USH1C: variants seen among roughly 807,000 people sequenced by gnomAD.
USH1C encodes the protein harmonin.
Under a neutral mutation model 119.3 loss-of-function variants are expected in USH1C, and 90 were observed. That is an observed-to-expected ratio of 0.75 (90% CI 0.64 to 0.90). The LOEUF is 0.90. Among genes scored for constraint, USH1C ranks in the 40% least tolerant of loss-of-function variants. The pLI, the probability that USH1C is intolerant of heterozygous loss-of-function variation, is 0.00. For synonymous variants in USH1C, 465 were observed against 443.3 expected, an observed-to-expected ratio of 1.05 and a Z score of -0.62; for missense variants, 1,165 against 1,167.7, an observed-to-expected ratio of 1.00 and a Z score of 0.03.
chr11:17,497,608 C>T (rs751994282), intron 24 of USH1C, among the ~76,000 whole-genome samples: 2 of 152,220 alleles, frequency 1.3e-5, no homozygotes, highest in African/African-American at 4.8e-5. Flanking sequence ...ACCTCAGGCT[C>T]GGCTGCCTGC....
chr11:17,523,073 G>A, intron 11 of USH1C, 138 bp downstream of exon 11: 5 of 1,569,446 alleles, frequency 3.2e-6, no homozygotes, highest in Non-Finnish European at 4.4e-6. Context: ...TTCTTGCTGG[G>A]CAGAAGTCCT....
chr11:17,526,408 G>A lies in USH1C; in HGVS notation c.613C>T (p.Arg205Trp). Residue 205 changes from arginine (R) to tryptophan (W), a missense_variant, in exon 8 of 27, where the codon CGG (arginine) becomes TGG (tryptophan). By Grantham distance (101) the Arg-to-Trp change is moderately radical. Transcript: ENST00000005226. ...AAGACCTTCTTCTCCTTGTTTTCCC[G>A]ATTTCCAGGGGAGCCCAGGCTGCCT... ...VRGSLGSPGN[R>W]ENKEKKVFIS... 5.0e-6 allele frequency: 8 copies of A among 1,614,084 alleles called. No individual in the cohort carries two copies. The highest frequency in any genetic ancestry group is 3.3e-4 in the Middle Eastern group (2 of 6,062).
intron 21 of USH1C, 146 bp downstream of exon 21, chr11:17,501,793 A>G (rs1053442612): frequency 1.8e-5 from 18 of 990,974 alleles, no homozygotes; most frequent in Non-Finnish European, 2.8e-5. Context: ...TCGTGGGAAG[A>G]GCAGCTGGGG....
chr11:17,504,514 T>C, intron 20 of USH1C, 133 bp downstream of exon 20: 1 of 987,150 alleles, frequency 1.0e-6, no homozygotes, highest in Admixed American at 1.8e-5. Flanking sequence ...GACACAGCTC[T>C]GGCCTGAGGC....
chr11:17,526,629 GC>G, intron 7 of USH1C, 123 bp downstream of exon 7: 1 of 1,220,696 alleles, frequency 8.2e-7, no homozygotes, highest in Non-Finnish European at 1.2e-6. Flanking sequence ...TGTGCTGGCT[GC>G]CCTGGGAGCC....
At position 17,531,134 on chromosome 11, in the gene USH1C, C is replaced by T. The variant is rs1229006449; in HGVS notation, c.387+20G>A. 1 of 1,613,866 alleles carries T rather than the reference C, an allele frequency of 6.2e-7. No homozygotes were observed. The highest frequency in any genetic ancestry group is 8.5e-7 in the Non-Finnish European group (1 of 1,179,992). On this transcript the variant is annotated intron_variant, in intron 4 of 26. Coordinates refer to ENST00000005226, the MANE Select transcript of USH1C (RefSeq NM_153676.4). This position sits in a 1 kb window ranked among gnomAD's most constrained non-coding sequence, Gnocchi z 4.2. ...GGTCCGAGGCCCTCGCTCCCCCTCC[C>T]CCGGACTCTGTTTGCTCACCTGGAG...
rs397514500 is a variant in USH1C at position 17,531,233 on chromosome 11, C to G, written c.308G>C (p.Arg103Pro). The change falls in exon 4 of 27, where the codon CGT becomes CCT. Residue 103 changes from arginine to proline, a missense_variant. Coordinates refer to ENST00000005226, the MANE Select transcript of USH1C (RefSeq NM_153676.4). The surrounding 1 kb of genome is among the most constrained non-coding windows in gnomAD (Gnocchi z 4.2). ...LHPEGLGLSVRGGLEFGCGLF... is the reference protein window; with the variant it reads ...LHPEGLGLSVPGGLEFGCGLF... ...CCCACAGCCAAACTCCAGGCCACCA[C>G]GCACACTCAGGCCGAGGCCTTCGGG... is the stretch of plus-strand genomic sequence containing the variant. 12 of 1,614,056 alleles carry G rather than the reference C, an allele frequency of 7.4e-6. No individual in the cohort carries two copies. The highest frequency in any genetic ancestry group is 2.2e-5 in the East Asian group (1 of 44,892).
chr11:17,504,089 G>C (rs1849544852), intron 20 of USH1C, among the ~76,000 whole-genome samples: 1 of 152,194 alleles, frequency 6.6e-6, no homozygotes, highest in Non-Finnish European at 1.5e-5. Flanking sequence ...AGGAGGCAGG[G>C]AGGTAGGTGG....
intron 14 of USH1C, chr11:17,516,595 T>C (rs1193639863): frequency 2.3e-6 from 1 of 429,942 alleles, no homozygotes; most frequent in Non-Finnish European, 4.4e-6. Flanking sequence ...GAAAACCCCT[T>C]GTGGAAGGAT....
chr11:17,523,045 G>A (rs1850490049), intron 11 of USH1C, 119 bp from the exon 12 acceptor site: 15 of 1,579,898 alleles, frequency 9.5e-6, no homozygotes, highest in African/African-American at 2.7e-5. Context: ...TGCGGCTCCC[G>A]CAATCCCTGA....
At chr11:17,509,940 T>C in intron 17 of USH1C, 102 bp from the exon 18 acceptor site, 4 of 1,385,440 alleles carry the variant, frequency 2.9e-6, no homozygotes, top group Non-Finnish European at 3.9e-6. Context: ...CTCTTGCTAC[T>C]GGAGACCCAC....
chr11:17,522,881 G>T lies in USH1C; in HGVS notation c.922C>A (p.Arg308=). ...MTDRERLAEA[R]QRELQRQELL... is the part of the protein sequence containing the mutation. ...TCCTGCCGCTGCAGCTCACGCTGCC[G>T]CGCCTCTGCCAGCCGCTCCCGGTCT... Residue 308 remains arginine, a synonymous_variant, in exon 12 of 27, where the codon CGG becomes AGG. Transcript: ENST00000005226. 6.2e-7 allele frequency: 1 copy of T among 1,611,370 alleles called. No individual in the cohort carries two copies.
Position 17,505,840 on chromosome 11 carries a change from G to A in USH1C, c.2123C>T (p.Ser708Phe). 1 of 1,614,130 alleles carries A rather than the reference G, an allele frequency of 6.2e-7. No individual in the cohort carries two copies. The highest frequency in any genetic ancestry group is 8.5e-7 in the Non-Finnish European group (1 of 1,179,974). The change falls in exon 19 of 27, where the codon TCT becomes TTT. Residue 708 changes from serine to phenylalanine, a missense_variant. By Grantham distance (155) the Ser-to-Phe change is radical. Coordinates refer to ENST00000005226, the MANE Select transcript of USH1C (RefSeq NM_153676.4). ...PNFIYRPAVK[S>F]EVLPQEMLKR... ...ACCCAAGGGGCTTACCAGAACTTCAGATTTCACAGCTGGCCTGTAGATGAA... is the reference window on the plus strand; with the variant it reads ...ACCCAAGGGGCTTACCAGAACTTCAAATTTCACAGCTGGCCTGTAGATGAA...
rs1387867750 is a variant in USH1C at position 17,531,231 on chromosome 11, C to G, written c.310G>C (p.Gly104Arg). 3 of 1,614,060 alleles carry G rather than the reference C, an allele frequency of 1.9e-6. No individual in the cohort carries two copies. The African/African-American group carries it at 4.0e-5, about 22-fold the overall frequency. Residue 104 changes from glycine (G) to arginine (R), a missense_variant, in exon 4 of 27, where the codon GGT (glycine) becomes CGT (arginine). Transcript: ENST00000005226. The surrounding 1 kb of genome is among the most constrained non-coding windows in gnomAD (Gnocchi z 4.2). ...HPEGLGLSVR[G>R]GLEFGCGLFI... Reference sequence around the variant, plus strand: ...AGCCCACAGCCAAACTCCAGGCCACCACGCACACTCAGGCCGAGGCCTTCG... The same window carrying G: ...AGCCCACAGCCAAACTCCAGGCCACGACGCACACTCAGGCCGAGGCCTTCG...
intron 1 of USH1C, among the ~76,000 whole-genome samples, chr11:17,542,801 T>G (rs1426221086): frequency 6.6e-6 from 1 of 152,242 alleles, no homozygotes; most frequent in Non-Finnish European, 1.5e-5. Context: ...ATGTCCTTAG[T>G]GGCTGAAATT....
intron 14 of USH1C, among the ~76,000 whole-genome samples, chr11:17,518,120 G>A (rs1233199624): frequency 1.3e-5 from 2 of 152,248 alleles, no homozygotes; most frequent in Non-Finnish European, 2.9e-5. Flanking sequence ...TTGCTTGTGA[G>A]CTGCTTTTTA....
intron 8 of USH1C, 64 bp downstream of exon 8, chr11:17,526,283 G>A: frequency 7.3e-7 from 1 of 1,371,036 alleles, no homozygotes; most frequent in Non-Finnish European, 1.0e-6. Context: ...AGGAAGGGGA[G>A]GGCAATAGGG....
intron 1 of USH1C, among the ~76,000 whole-genome samples, chr11:17,536,834 G>A (rs1851249041): frequency 6.6e-6 from 1 of 152,196 alleles, no homozygotes; most frequent in South Asian, 2.1e-4. Flanking sequence ...ATTCTCTATA[G>A]ACCATACCAG....
At chr11:17,540,417 G>C (rs1452877224) in intron 1 of USH1C, among the ~76,000 whole-genome samples, 4 of 151,866 alleles carry the variant, frequency 2.6e-5, no homozygotes, top group Non-Finnish European at 5.9e-5. Context: ...GGTACCCCGG[G>C]CTCTGTCCTA....
Sources: gnomAD v4.1 joint callset for allele counts (sites outside exome capture counted in the v4.1 genomes callset) on GRCh38, gnomAD v4.1.1 for gene constraint, Gnocchi (gnomAD v3.1) non-coding constraint, MANE v1.5 for transcripts, NCBI Gene and HGNC (gene_info 2026-07-23, HGNC 2026-07-21) for gene names.